Variants in ATP2A3 observed in about 807,000 individuals in gnomAD.
ATP2A3 encodes ATPase sarcoplasmic/endoplasmic reticulum Ca2+ transporting 3.
ATP2A3 carries 61 observed loss-of-function variants against 106.8 expected under a neutral mutation model. The ratio of observed to expected loss-of-function variants is 0.57; its 90% CI spans 0.46 to 0.71. The LOEUF (loss-of-function observed/expected upper bound fraction) is 0.71, where lower values mean the gene tolerates loss of function less well. Among genes scored for constraint, ATP2A3 ranks in the 30% least tolerant of loss-of-function variants. The pLI is 0.00. For synonymous variants in ATP2A3, 611 were observed against 609.3 expected, an observed-to-expected ratio of 1.00 and a Z score of -0.04; for missense variants, 1,201 against 1,423.5, an observed-to-expected ratio of 0.84 and a Z score of 2.52.
chr17:3,957,138 T>C (rs1299017888), intron 1 of ATP2A3, among the ~76,000 whole-genome samples: 2 of 152,226 alleles, frequency 1.3e-5, no homozygotes, highest in Non-Finnish European at 2.9e-5. Flanking sequence ...CAGCAGCTGG[T>C]GGTGTGCGCC....
At chr17:3,952,427 G>T (rs2054503044) in intron 3 of ATP2A3, among the ~76,000 whole-genome samples, 1 of 152,178 alleles carries the variant, frequency 6.6e-6, no homozygotes, top group Non-Finnish European at 1.5e-5. Flanking sequence ...GAGCATCAGT[G>T]GGAATGGAGG....
In ATP2A3 at chr17:3,928,718, C is replaced by G. The variant is rs937359371; in HGVS notation, c.2925G>C (p.Leu975=). The G allele has an allele frequency of 7.1e-6, 11 of 1,551,406 alleles. No individual in the cohort carries two copies. The African/African-American group carries it at 1.5e-4, about 21-fold the overall frequency. ...RQWVVVLQIS[L]PVILLDEALK... is the part of the protein sequence containing the mutation. ...GGGCCTCATCCAGCAGGATGACAGG[C>G]AGAGATATCTGGAGCACCACCACCC... The change falls in exon 20 of 21, where the codon CTG becomes CTC. Residue 975 remains leucine, a synonymous_variant. Coordinates refer to ENST00000397041, the MANE Select transcript of ATP2A3 (RefSeq NM_005173.4). The surrounding 1 kb of genome is among the most constrained non-coding windows in gnomAD (Gnocchi z 6.1).
rs1255076503 is a variant in ATP2A3, at chr17:3,925,435, A to G, written c.2987T>C (p.Met996Thr). Residue 996 changes from methionine to threonine, a missense_variant, in exon 21 of 21, where the codon ATG becomes ACG. By Grantham distance (81) the Met-to-Thr change is moderately conservative. This residue lies in a region of ATP2A3 where 935 missense variants were observed against 1,176.7 expected (regional missense o/e 0.79). Transcript: ENST00000397041. This position sits in a 1 kb window ranked among gnomAD's most constrained non-coding sequence, Gnocchi z 4.2. The part of the protein sequence containing the change: ...YLSRNHMHEE[M>T]SQK ...TGTTCCCAGCGCTCACTTCTGGCTC[A>G]TTTCTTCTGGAAGAAAAACCCAAGA... The G allele has an allele frequency of 6.2e-7, 1 of 1,613,504 alleles. No homozygotes were observed. Among genetic ancestry groups the G allele is most frequent in the Non-Finnish European group, 8.5e-7 (1 of 1,179,910 alleles).
chr17:3,940,321 T>G (rs2053688504), intron 14 of ATP2A3, among the ~76,000 whole-genome samples: 1 of 152,114 alleles, frequency 6.6e-6, no homozygotes, highest in Non-Finnish European at 1.5e-5. Flanking sequence ...TAACATGTAT[T>G]CTAAAGTAGG....
At position 3,929,267 on chromosome 17, in the gene ATP2A3, G is replaced by A. The variant is rs2052902630; in HGVS notation, c.2862+61C>T. On this transcript the variant is annotated intron_variant, in intron 19 of 20. Coordinates refer to ENST00000397041, the MANE Select transcript of ATP2A3 (RefSeq NM_005173.4). This position sits in a 1 kb window ranked among gnomAD's most constrained non-coding sequence, Gnocchi z 4.3. ...TGCAGGGGGGCCAGAGAGGTCCAGT[G>A]ACCAGCCCAGGGCCTGTGATGTCCA... The A allele has an allele frequency of 2.1e-6, 3 of 1,443,264 alleles. No homozygotes were observed. In the African/African-American group the frequency reaches 4.2e-5, roughly 20 times the overall value. The allele number at this position is 1,443,264 out of a possible 1,614,324, so 89.4% of individuals were successfully genotyped here. A position where few individuals can be genotyped will look rare whatever the true frequency, so the allele number is the denominator to read the frequency against.
In ATP2A3 at chr17:3,944,809, G is replaced by A; in HGVS notation, c.1185-3C>T. 1.2e-6 allele frequency: 2 copies of A among 1,606,848 alleles called. No homozygotes were observed. The highest frequency in any genetic ancestry group is 1.1e-5 in the South Asian group (1 of 90,316). ...GCACAGGCTGATCCCCCTGCCGCCT[G>A]CGGAGCCGGGGCGGTCACCAGGAGG... On this transcript the variant is annotated splice_region_variant and splice_polypyrimidine_tract_variant and intron_variant, in intron 9 of 20. Transcript: ENST00000397041.
Position 3,935,172 on chromosome 17 carries a change from C to G in ATP2A3, c.2610+20G>C. On this transcript the variant is annotated intron_variant, in intron 17 of 20. Transcript: ENST00000397041. The stretch of plus-strand genomic sequence containing the variant: ...CTCGAGCTGTAAGTTCAACAGGCTC[C>G]CTGGCCAGCCCTTGCTCACCAGCTG... 1 of 1,613,614 alleles carries G rather than the reference C, an allele frequency of 6.2e-7. No homozygotes were observed. Among genetic ancestry groups the G allele is most frequent in the Non-Finnish European group, 8.5e-7 (1 of 1,179,696 alleles).
chr17:3,940,874 A>C, intron 14 of ATP2A3, 97 bp downstream of exon 14: 1 of 1,375,926 alleles, frequency 7.3e-7, no homozygotes, highest in Non-Finnish European at 1.0e-6. Flanking sequence ...TAGAAAAGGT[A>C]AGAATGAGGC....
rs113527804 is a variant in ATP2A3 at position 3,944,294 on chromosome 17, C to G, written c.1287+410G>C. 6.5e-3 allele frequency among the ~76,000 whole-genome samples: 986 copies of G among 152,350 alleles called. 9 individuals carry two copies. The highest frequency in any genetic ancestry group is 0.023 in the African/African-American group (941 of 41,574). On this transcript the variant is annotated intron_variant, in intron 10 of 20. Transcript: ENST00000397041. ...CCTCGGACTGGGTCTGGCCAAGGAC[C>G]TCCCTTTGGGCAGACGCCTGCTGCA...
intron 7 of ATP2A3, among the ~76,000 whole-genome samples, chr17:3,948,218 T>C (rs546581584): frequency 1.3e-5 from 2 of 152,332 alleles, no homozygotes; most frequent in South Asian, 2.1e-4. Flanking sequence ...CACAGGAGCA[T>C]AGCTGACTAC....
chr17:3,955,891 T>A lies in ATP2A3; in HGVS notation c.119-2181A>T, dbSNP rs1181424311. Among the ~76,000 whole-genome samples the A allele has an allele frequency of 2.1e-5, 3 of 142,396 alleles. No homozygotes were observed. The highest frequency in any genetic ancestry group is 1.9e-4 in the East Asian group (1 of 5,178). The allele number at this position is 142,396 out of a possible 152,430, so 93.4% of individuals were successfully genotyped here. A position where few individuals can be genotyped will look rare whatever the true frequency, so the allele number is the denominator to read the frequency against. On this transcript the variant is annotated intron_variant, in intron 1 of 20. Transcript: ENST00000397041. This position sits in a 1 kb window ranked among gnomAD's most constrained non-coding sequence, Gnocchi z 4.2. ...TCTCTTATTTTATTTTATTTTATTT[T>A]TTTTTTTTGAGATGGAGTCTTGCTC...
intron 17 of ATP2A3, among the ~76,000 whole-genome samples, chr17:3,934,489 G>C (rs1278534145): frequency 6.7e-6 from 1 of 150,296 alleles, no homozygotes; most frequent in African/African-American, 2.5e-5. Context: ...AGGATTACAG[G>C]CGTCAGCCAC....
chr17:3,953,821 C>T lies in ATP2A3; in HGVS notation c.119-111G>A. ...CTCCCCACCGTGCCCGCCCAGACCCCCACCACGGACTGGATGTATCCCCAG... is the reference window on the plus strand; with the variant it reads ...CTCCCCACCGTGCCCGCCCAGACCCTCACCACGGACTGGATGTATCCCCAG... On this transcript the variant is annotated intron_variant, in intron 1 of 20. Transcript: ENST00000397041. This position sits in a 1 kb window ranked among gnomAD's most constrained non-coding sequence, Gnocchi z 5.1. The T allele has an allele frequency of 4.3e-6, 5 of 1,169,882 alleles. No individual in the cohort carries two copies. Among genetic ancestry groups the T allele is most frequent in the South Asian group, 1.3e-5 (1 of 76,126 alleles). 72.5% of individuals were successfully genotyped at this position (1,169,882 alleles called of 1,614,324 possible). A position where few individuals can be genotyped will look rare whatever the true frequency, so the allele number is the denominator to read the frequency against.
At chr17:3,952,230 G>A (rs959996812) in intron 3 of ATP2A3, among the ~76,000 whole-genome samples, 14 of 151,930 alleles carry the variant, frequency 9.2e-5, no homozygotes, top group East Asian at 1.9e-4. Flanking sequence ...GATTACAGGC[G>A]TGCACCACCA....
chr17:3,928,623 G>A lies in ATP2A3; in HGVS notation c.2980+40C>T, dbSNP rs75206413. 37 of 1,498,710 alleles carry A rather than the reference G, an allele frequency of 2.5e-5. No individual in the cohort carries two copies. Among genetic ancestry groups the A allele is most frequent in the African/African-American group, 8.3e-5 (6 of 71,946 alleles). 92.8% of individuals were successfully genotyped at this position (1,498,710 alleles called of 1,614,324 possible). A position where few individuals can be genotyped will look rare whatever the true frequency, so the allele number is the denominator to read the frequency against. ...CTGCAGCCCAGGAGCAGAGGCGGGCGGGGAGGCAGGCTGGAGGCGGGACGG... is the reference window on the plus strand; with the variant it reads ...CTGCAGCCCAGGAGCAGAGGCGGGCAGGGAGGCAGGCTGGAGGCGGGACGG... On this transcript the variant is annotated intron_variant, in intron 20 of 20. Transcript: ENST00000397041. The surrounding 1 kb of genome is among the most constrained non-coding windows in gnomAD (Gnocchi z 6.1).
In ATP2A3 at chr17:3,930,314, T is replaced by C; in HGVS notation, c.2731A>G (p.Asn911Asp). Reference sequence around the variant, plus strand: ...CGCCCAGCCTACCTGTTGAGGGCATTGCACATTTCAATGGTCACGAGCACG... The same window carrying C: ...CGCCCAGCCTACCTGTTGAGGGCATCGCACATTTCAATGGTCACGAGCACG... ...LSVLVTIEMC[N>D]ALNSVSENQS... The change falls in exon 18 of 21, where the codon AAT (asparagine) becomes GAT (aspartate). Residue 911 changes from asparagine (N) to aspartate (D), a missense_variant. By Grantham distance (23) the Asn-to-Asp change is conservative (BLOSUM62 1). This residue lies in a region of ATP2A3 where 935 missense variants were observed against 1,176.7 expected (regional missense o/e 0.79). Coordinates refer to ENST00000397041, the MANE Select transcript of ATP2A3 (RefSeq NM_005173.4). The surrounding 1 kb of genome is among the most constrained non-coding windows in gnomAD (Gnocchi z 5.4). The C allele has an allele frequency of 6.3e-7, 1 of 1,599,724 alleles. No individual in the cohort carries two copies. The highest frequency in any genetic ancestry group is 8.5e-7 in the Non-Finnish European group (1 of 1,173,200).
Position 3,929,266 on chromosome 17 carries a change from T to C in ATP2A3, c.2862+62A>G, listed in dbSNP as rs73971722. On this transcript the variant is annotated intron_variant, in intron 19 of 20. Coordinates refer to ENST00000397041, the MANE Select transcript of ATP2A3 (RefSeq NM_005173.4). This position sits in a 1 kb window ranked among gnomAD's most constrained non-coding sequence, Gnocchi z 4.3. Reference sequence around the variant, plus strand: ...TTGCAGGGGGGCCAGAGAGGTCCAGTGACCAGCCCAGGGCCTGTGATGTCC... The same window carrying C: ...TTGCAGGGGGGCCAGAGAGGTCCAGCGACCAGCCCAGGGCCTGTGATGTCC... The C allele has an allele frequency of 0.012, 16,971 of 1,434,346 alleles. 1,596 individuals carry two copies. In the African/African-American group the frequency reaches 0.21, roughly 18 times the overall value. 88.9% of individuals were successfully genotyped at this position (1,434,346 alleles called of 1,614,324 possible). A position where few individuals can be genotyped will look rare whatever the true frequency, so the allele number is the denominator to read the frequency against.
chr17:3,929,538 G>A lies in ATP2A3; in HGVS notation c.2745-93C>T. 2.7e-6 allele frequency: 3 copies of A among 1,097,942 alleles called. No homozygotes were observed. Among genetic ancestry groups the A allele is most frequent in the Non-Finnish European group, 4.0e-6 (3 of 751,478 alleles). The allele number at this position is 1,097,942 out of a possible 1,614,324, so 68.0% of individuals were successfully genotyped here. A position where few individuals can be genotyped will look rare whatever the true frequency, so the allele number is the denominator to read the frequency against. On this transcript the variant is annotated intron_variant, in intron 18 of 20. Coordinates refer to ENST00000397041, the MANE Select transcript of ATP2A3 (RefSeq NM_005173.4). This position sits in a 1 kb window ranked among gnomAD's most constrained non-coding sequence, Gnocchi z 4.3. ...TGGGAGGAGCCTCACCACTTCTCTA[G>A]CGGTGCATTGCTGTTGCCCGCTCGG...
intron 4 of ATP2A3, 29 bp downstream of exon 4, chr17:3,951,552 C>CCCCCCCT: frequency 1.5e-6 from 2 of 1,365,894 alleles, no homozygotes; most frequent in Non-Finnish European, 2.0e-6. Flanking sequence ...GACCGCCCCC[C>CCCCCCCT]GCCCGGTCCC....
Sources: allele counts gnomAD v4.1 joint callset (sites outside exome capture counted in the v4.1 genomes callset), GRCh38; gene constraint gnomAD v4.1.1; regional missense constraint gnomAD v4.1.1; non-coding constraint Gnocchi (gnomAD v3.1); transcripts MANE v1.5; gene names NCBI Gene and HGNC (gene_info 2026-07-23, HGNC 2026-07-21).